TGM5: variants seen among roughly 807,000 people sequenced by gnomAD.
TGM5 encodes transglutaminase 5.
A neutral mutation model predicts 77.2 loss-of-function variants in TGM5; 69 were observed. The ratio of observed to expected loss-of-function variants is 0.89; its 90% CI spans 0.74 to 1.09. The LOEUF (loss-of-function observed/expected upper bound fraction) is 1.09. Among genes scored for constraint, TGM5 ranks in the 50% least tolerant of loss-of-function variants. The probability of loss-of-function intolerance (pLI) is 0.00; values close to 1 mark genes in which losing one functional copy is unlikely to be tolerated. For synonymous variants in TGM5, 346 were observed against 351.8 expected (o/e 0.98, Z 0.18); for missense variants, 842 against 896.5 (o/e 0.94, Z 0.78).
Position 43,235,684 on chromosome 15 carries a change from C to T in TGM5, c.1499G>A (p.Arg500Gln), listed in dbSNP as rs768303078. The change falls in exon 10 of 13, where the codon CGA (arginine) becomes CAA (glutamine). Residue 500 changes from arginine to glutamine, a missense_variant. Arg to Gln is a conservative substitution (Grantham distance 43, BLOSUM62 1). This residue lies in a region of TGM5 where 815 missense variants were observed against 844.6 expected (regional missense o/e 0.96). Transcript: ENST00000220420. The stretch of plus-strand genomic sequence containing the variant: ...GGAGACTTGCACCACATCACTGGGT[C>T]GAAGGGAAGGTGTATGCAGGCTCCG... The part of the protein sequence containing the change: ...SPRSLHTPSL[R>Q]PSDVVQVSLK... The T allele has an allele frequency of 4.3e-5, 69 of 1,614,106 alleles. No homozygotes were observed. Among genetic ancestry groups the T allele is most frequent in the Non-Finnish European group, 5.3e-5 (62 of 1,180,026 alleles).
chr15:43,238,936 T>C lies in TGM5; in HGVS notation c.1226A>G (p.Gln409Arg), dbSNP rs774454541. The C allele has an allele frequency of 2.5e-6, 4 of 1,614,186 alleles. No individual in the cohort carries two copies. Among genetic ancestry groups the C allele is most frequent in the Non-Finnish European group, 2.5e-6 (3 of 1,180,032 alleles). The change falls in exon 9 of 13, where the codon CAG (glutamine) becomes CGG (arginine). Residue 409 changes from glutamine (Q) to arginine (R), a missense_variant. Physicochemically the swap from Gln to Arg is conservative, Grantham distance 43. Coordinates refer to ENST00000220420, the MANE Select transcript of TGM5 (RefSeq NM_201631.4). ...VNADCMSWLV[Q>R]GGKEQKLHQD... is the part of the protein sequence containing the mutation. ...GTGAAGCTTCTGCTCCTTCCCTCCC[T>C]GGACGAGCCAGGACATGCAGTCAGC...
At position 43,239,212 on chromosome 15, in the gene TGM5, T is replaced by A; in HGVS notation, c.1056A>T (p.Ala352=). 1 of 1,614,150 alleles carries A rather than the reference T, an allele frequency of 6.2e-7. No individual in the cohort carries two copies. The highest frequency in any genetic ancestry group is 2.2e-5 in the East Asian group (1 of 44,878). ...CGTCCAGCACCTGCCAGCCTCCATA[T>A]GCAGGGGGCAGATCCTTCCGGGCCA... The part of the protein sequence containing the change: ...CWMARKDLPP[A]YGGWQVLDAT... Residue 352 remains alanine (A), a synonymous_variant, in exon 8 of 13, where the codon GCA becomes GCT. Transcript: ENST00000220420.
At chr15:43,265,118 C>T (rs2042815842) in intron 1 of TGM5, among the ~76,000 whole-genome samples, 1 of 152,182 alleles carries the variant, frequency 6.6e-6, no homozygotes, top group African/African-American at 2.4e-5. Context: ...CTCATTTAAT[C>T]TTCATCGCAT....
At chr15:43,242,550 A>C (rs1394294342) in intron 6 of TGM5, among the ~76,000 whole-genome samples, 1 of 152,238 alleles carries the variant, frequency 6.6e-6, no homozygotes, top group Non-Finnish European at 1.5e-5. Flanking sequence ...CATTTCTTAA[A>C]AGTTTATAAT....
intron 1 of TGM5, among the ~76,000 whole-genome samples, chr15:43,261,090 T>TTTTTTTG (rs2042786174): frequency 6.2e-5 from 6 of 97,116 alleles, no homozygotes; most frequent in African/African-American, 2.6e-4. Context: ...TTTTTTTTTT[T>TTTTTTTG]TTTTTTTTTT....
intron 9 of TGM5, among the ~76,000 whole-genome samples, chr15:43,236,159 C>T (rs1271396695): frequency 6.6e-6 from 1 of 152,154 alleles, no homozygotes; most frequent in African/African-American, 2.4e-5. Flanking sequence ...AGGAGCAGAT[C>T]CCAGGTGGGA....
At chr15:43,238,328 C>T (rs1181425105) in intron 9 of TGM5, among the ~76,000 whole-genome samples, 1 of 152,218 alleles carries the variant, frequency 6.6e-6, no homozygotes, top group African/African-American at 2.4e-5. Context: ...ACACAGCCTC[C>T]CCTGTGACCC....
chr15:43,252,600 G>A (rs1045154544), intron 6 of TGM5, among the ~76,000 whole-genome samples, 159 bp downstream of exon 6: 1 of 152,198 alleles, frequency 6.6e-6, no homozygotes, highest in Non-Finnish European at 1.5e-5. Context: ...ACAGGTGTGA[G>A]CCACCGTGCC....
intron 3 of TGM5, among the ~76,000 whole-genome samples, chr15:43,258,569 C>T (rs993239764): frequency 6.6e-6 from 1 of 152,120 alleles, no homozygotes; most frequent in Admixed American, 6.5e-5. Context: ...CAGGAGGCGT[C>T]GTTGCTGAGA....
chr15:43,238,687 G>A, intron 9 of TGM5, 130 bp downstream of exon 9: 2 of 1,419,812 alleles, frequency 1.4e-6, no homozygotes, highest in Non-Finnish European at 1.9e-6. Flanking sequence ...CCCCAACTGG[G>A]GCCTCAAAAC....
At position 43,239,280 on chromosome 15, in the gene TGM5, A is replaced by G; in HGVS notation, c.1002-14T>C. The G allele has an allele frequency of 6.2e-7, 1 of 1,613,638 alleles. No homozygotes were observed. On this transcript the variant is annotated splice_polypyrimidine_tract_variant and intron_variant, in intron 7 of 12. Coordinates refer to ENST00000220420, the MANE Select transcript of TGM5 (RefSeq NM_201631.4). The stretch of plus-strand genomic sequence containing the variant: ...ACATGGAAGTTCCTGTGTCAAACAG[A>G]GCCAAGGGAGACGTTGTACTGCTTG...
Position 43,235,532 on chromosome 15 carries a change from C to A in TGM5, c.1651G>T (p.Asp551Tyr). Reference sequence around the variant, plus strand: ...CAGAATGGGGACAGGGGGCTGCCATCGTGCAGCAGAGACTGGGCACTCAGG... The same window carrying A: ...CAGAATGGGGACAGGGGGCTGCCATAGTGCAGCAGAGACTGGGCACTCAGG... ...VNLSAQSLLH[D>Y]GSPLSPFWQD... The change falls in exon 10 of 13, where the codon GAT becomes TAT. Residue 551 changes from aspartate to tyrosine, a missense_variant. Transcript: ENST00000220420. 1 of 1,614,116 alleles carries A rather than the reference C, an allele frequency of 6.2e-7. No individual in the cohort carries two copies. Among genetic ancestry groups the A allele is most frequent in the Non-Finnish European group, 8.5e-7 (1 of 1,180,024 alleles).
intron 6 of TGM5, among the ~76,000 whole-genome samples, chr15:43,243,905 T>C (rs528551856): frequency 6.6e-6 from 1 of 152,328 alleles, no homozygotes; most frequent in South Asian, 2.1e-4. Context: ...ACCCATATGA[T>C]TATCCCAACT....
At chr15:43,241,610 G>C (rs892165664) in intron 6 of TGM5, among the ~76,000 whole-genome samples, 1 of 152,062 alleles carries the variant, frequency 6.6e-6, no homozygotes, top group African/African-American at 2.4e-5. Flanking sequence ...ATTCCTGGGG[G>C]CCATGCATTC....
At chr15:43,252,403 G>GC (rs540141571) in intron 6 of TGM5, among the ~76,000 whole-genome samples, 7 of 151,914 alleles carry the variant, frequency 4.6e-5, no homozygotes, top group Admixed American at 1.3e-4. Context: ...TGCAACCTCT[G>GC]CCCCCCCGGG....
At position 43,233,091 on chromosome 15, in the gene TGM5, G is replaced by C; in HGVS notation, c.*100C>G. ...CCTCTGTGGCTCTTGCTGGAGCCCTGTGAAGCCTCTGTTGTGGTGGGGAAT... is the reference window on the plus strand; with the variant it reads ...CCTCTGTGGCTCTTGCTGGAGCCCTCTGAAGCCTCTGTTGTGGTGGGGAAT... On this transcript the variant is annotated 3_prime_UTR_variant, in exon 13 of 13. Coordinates refer to ENST00000220420, the MANE Select transcript of TGM5 (RefSeq NM_201631.4). The C allele has an allele frequency of 6.8e-7, 1 of 1,461,630 alleles. No individual in the cohort carries two copies. The highest frequency in any genetic ancestry group is 1.4e-5 in the African/African-American group (1 of 71,812). The allele number at this position is 1,461,630 out of a possible 1,614,324, so 90.5% of individuals were successfully genotyped here. A position where few individuals can be genotyped will look rare whatever the true frequency, so the allele number is the denominator to read the frequency against.
intron 3 of TGM5, among the ~76,000 whole-genome samples, chr15:43,258,591 G>A (rs1476968030): frequency 6.6e-6 from 1 of 152,192 alleles, no homozygotes; most frequent in Non-Finnish European, 1.5e-5. Flanking sequence ...GTATTTTATT[G>A]AGGGTTTGGG....
In TGM5 at chr15:43,263,273, T is replaced by A. The variant is rs966990179; in HGVS notation, c.11-2694A>T. 1.6e-4 allele frequency among the ~76,000 whole-genome samples: 25 copies of A among 152,098 alleles called. 1 individual carries two copies. The highest frequency in any genetic ancestry group is 1.3e-4 in the Admixed American group (2 of 15,258). On this transcript the variant is annotated intron_variant, in intron 1 of 12. Coordinates refer to ENST00000220420, the MANE Select transcript of TGM5 (RefSeq NM_201631.4). ...AAGGCAATATCATTAAGATAACAAGTTTTTCTGCAGATTCAACACAATCCC... is the reference window on the plus strand; with the variant it reads ...AAGGCAATATCATTAAGATAACAAGATTTTCTGCAGATTCAACACAATCCC...
At chr15:43,247,244 T>C (rs1393719852) in intron 6 of TGM5, among the ~76,000 whole-genome samples, 4 of 150,982 alleles carry the variant, frequency 2.6e-5, no homozygotes, top group Admixed American at 6.6e-5. Flanking sequence ...ACAAAGTCCT[T>C]TAAAGGAATA....
Sources: allele counts gnomAD v4.1 joint callset (sites outside exome capture counted in the v4.1 genomes callset), GRCh38; gene constraint gnomAD v4.1.1; regional missense constraint gnomAD v4.1.1; transcripts MANE v1.5; gene names NCBI Gene and HGNC (gene_info 2026-07-23, HGNC 2026-07-21).